The following RPH3A variants were observed in gnomAD, a reference collection of about 807,000 sequenced individuals.
RPH3A encodes the protein rabphilin 3A.
In RPH3A, 48 loss-of-function variants were observed where a neutral mutation model predicts 102.2. The observed-to-expected ratio is 0.47, with a 90% CI of 0.37 to 0.60. The LOEUF (loss-of-function observed/expected upper bound fraction) is 0.60. Among genes scored for constraint, RPH3A ranks in the 20% least tolerant of loss-of-function variants. RPH3A has a pLI of 0.00. For missense variants in RPH3A, 781 were observed against 910.1 expected (o/e 0.86, Z 1.83); for synonymous variants, 310 against 324.3 (o/e 0.96, Z 0.47).
chr12:112,598,617 G>A (rs1353572200), intron 1 of RPH3A, among the ~76,000 whole-genome samples: 1 of 152,182 alleles, frequency 6.6e-6, no homozygotes, highest in Non-Finnish European at 1.5e-5. Context: ...AGACTGAAAA[G>A]TGAAAAATTG....
At chr12:112,789,466 T>C (rs1001930864), upstream of RPH3A, among the ~76,000 whole-genome samples, 9 of 152,194 alleles carry the variant, frequency 5.9e-5, no homozygotes, top group Admixed American at 5.9e-4. Context: ...TTCTTTGGAA[T>C]CATACGACAC....
At chr12:112,621,192 T>G (rs910098254) in intron 1 of RPH3A, among the ~76,000 whole-genome samples, 5 of 151,974 alleles carry the variant, frequency 3.3e-5, no homozygotes, top group Non-Finnish European at 7.4e-5. Context: ...AAAAAATATT[T>G]GGGTTGGAGG....
At chr12:112,717,611 G>A (rs942365853) in intron 1 of RPH3A, among the ~76,000 whole-genome samples, 2 of 151,740 alleles carry the variant, frequency 1.3e-5, no homozygotes, top group African/African-American at 4.8e-5. Flanking sequence ...TTCCATTGTG[G>A]TTTGTTTATT....
In RPH3A at chr12:112,764,715, A is replaced by G. The variant is rs1307535664; in HGVS notation, c.-139-27428A>G. Among the ~76,000 whole-genome samples, 7 of 151,976 alleles carry G rather than the reference A, an allele frequency of 4.6e-5. No individual in the cohort carries two copies. In the East Asian group the frequency reaches 5.8e-4, roughly 13 times the overall value. ...TTATTATTATTTTTTTGCAATGGCTATATCTCGACAGTTTCAGCTTTTACC... is the reference window on the plus strand; with the variant it reads ...TTATTATTATTTTTTTGCAATGGCTGTATCTCGACAGTTTCAGCTTTTACC... On this transcript the variant is annotated intron_variant, in intron 1 of 21. Coordinates refer to the RPH3A transcript ENST00000543106.
intron 4 of RPH3A, among the ~76,000 whole-genome samples, chr12:112,844,939 G>A (rs568977746): frequency 1.3e-5 from 2 of 152,372 alleles, no homozygotes; most frequent in South Asian, 4.1e-4. Context: ...GTAGCTGGCA[G>A]TTTGGTGCTA....
intron 2 of RPH3A, among the ~76,000 whole-genome samples, chr12:112,808,800 C>T (rs1268776234): frequency 6.6e-6 from 1 of 152,098 alleles, no homozygotes; most frequent in African/African-American, 2.4e-5. Flanking sequence ...GTCTGAGGAG[C>T]GGGTATGAAT....
At chr12:112,596,287 A>G (rs1217792284) in intron 1 of RPH3A, among the ~76,000 whole-genome samples, 1 of 152,160 alleles carries the variant, frequency 6.6e-6, no homozygotes, top group East Asian at 1.9e-4. Flanking sequence ...GACCACAGGC[A>G]TGTGCCACAA....
chr12:112,676,239 A>G (rs1009725439), intron 1 of RPH3A, among the ~76,000 whole-genome samples: 3 of 151,900 alleles, frequency 2.0e-5, no homozygotes, highest in Non-Finnish European at 4.4e-5. Context: ...CTGAGGGTAG[A>G]CAGGGGTCCC....
intron 1 of RPH3A, among the ~76,000 whole-genome samples, chr12:112,681,136 G>T (rs894605519): frequency 2.0e-5 from 3 of 152,076 alleles, no homozygotes; most frequent in African/African-American, 7.2e-5. Context: ...CTGGGGCTCT[G>T]CATCTTGGTA....
chr12:112,726,016 C>T (rs2040587188), intron 1 of RPH3A, among the ~76,000 whole-genome samples: 1 of 151,914 alleles, frequency 6.6e-6, no homozygotes, highest in African/African-American at 2.4e-5. Flanking sequence ...AGGATGGTCT[C>T]GATCTCCTGA....
chr12:112,753,143 A>C (rs1376857440), intron 1 of RPH3A, among the ~76,000 whole-genome samples: 1 of 152,098 alleles, frequency 6.6e-6, no homozygotes, highest in Non-Finnish European at 1.5e-5. Context: ...TGTCCTCAGA[A>C]AGGCCCCAGC....
chr12:112,741,462 A>T (rs2040708884), intron 1 of RPH3A, among the ~76,000 whole-genome samples: 1 of 152,156 alleles, frequency 6.6e-6, no homozygotes, highest in South Asian at 2.1e-4. Context: ...TCCCACTAGA[A>T]TTCCTTGTAG....
At position 112,875,760 on chromosome 12, in the gene RPH3A, C is replaced by T; in HGVS notation, c.946+19C>T. ...AAGCCAGGCAAGTATCTGCTTCCTC[C>T]CATGCCTGCCCAAGTGGCCACCTCT... is the stretch of plus-strand genomic sequence containing the variant. On this transcript the variant is annotated intron_variant, in intron 12 of 21. Transcript: ENST00000389385. The T allele has an allele frequency of 4.3e-6, 7 of 1,612,424 alleles. No homozygotes were observed. Among genetic ancestry groups the T allele is most frequent in the Non-Finnish European group, 5.9e-6 (7 of 1,178,982 alleles).
intron 5 of RPH3A, among the ~76,000 whole-genome samples, chr12:112,863,907 T>C (rs766530039): frequency 1.3e-5 from 2 of 152,184 alleles, no homozygotes; most frequent in Non-Finnish European, 2.9e-5. Context: ...CATATACAAA[T>C]CCTCACTACA....
intron 1 of RPH3A, among the ~76,000 whole-genome samples, chr12:112,662,407 A>G (rs2040054811): frequency 6.6e-6 from 1 of 152,194 alleles, no homozygotes; most frequent in African/African-American, 2.4e-5. Flanking sequence ...ATCCTGTGAG[A>G]AAAGTATTGT....
rs564789193 is a variant in RPH3A at position 112,583,200 on chromosome 12, G to A, written c.-140+7881G>A. Among the ~76,000 whole-genome samples the A allele has an allele frequency of 7.2e-5, 11 of 152,212 alleles. 1 individual carries two copies. Among genetic ancestry groups the A allele is most frequent in the African/African-American group, 1.9e-4 (8 of 41,542 alleles). On this transcript the variant is annotated intron_variant, in intron 1 of 21. Transcript: ENST00000543106. Reference sequence around the variant, plus strand: ...TTCTTTTGTCTGCACGGCTAATAACGACATTATCCTCAACGACAATAATAA... The same window carrying A: ...TTCTTTTGTCTGCACGGCTAATAACAACATTATCCTCAACGACAATAATAA...
At chr12:112,832,114 T>A (rs1450515905) in intron 3 of RPH3A, among the ~76,000 whole-genome samples, 1 of 152,168 alleles carries the variant, frequency 6.6e-6, no homozygotes, top group Non-Finnish European at 1.5e-5. Context: ...ATTCTCTCTC[T>A]CACTTTTTTC....
At chr12:112,762,725 G>A (rs2040862040) in intron 1 of RPH3A, among the ~76,000 whole-genome samples, 1 of 152,092 alleles carries the variant, frequency 6.6e-6, no homozygotes, top group South Asian at 2.1e-4. Context: ...CTTAAGTATA[G>A]TCATTCTTGC....
At chr12:112,790,663 T>C (rs117804820), upstream of RPH3A, among the ~76,000 whole-genome samples, 41 of 152,354 alleles carry the variant, frequency 2.7e-4, no homozygotes, top group East Asian at 7.9e-3. Flanking sequence ...CATTCATCTT[T>C]ATATATTTCC....
Sources: allele counts gnomAD v4.1 joint callset (sites outside exome capture counted in the v4.1 genomes callset), GRCh38; gene constraint gnomAD v4.1.1; transcripts MANE v1.5; gene names NCBI Gene and HGNC (gene_info 2026-07-23, HGNC 2026-07-21).